Variants in CMC1 observed in about 807,000 individuals in gnomAD.
CMC1 encodes COX assembly mitochondrial protein homolog.
A neutral mutation model predicts 14.1 loss-of-function variants in CMC1; 14 were observed. The ratio of observed to expected loss-of-function variants is 0.99; its 90% confidence interval spans 0.66 to 1.55. The LOEUF is 1.55. Among genes scored for constraint, CMC1 ranks in the 40% most tolerant of loss-of-function variants. The probability of loss-of-function intolerance (pLI) is 0.00; values close to 1 mark genes in which losing one functional copy is unlikely to be tolerated. For missense variants in CMC1, 127 were observed against 123.8 expected (o/e 1.03, Z -0.12); for synonymous variants, 50 against 38.4 (o/e 1.30, Z -1.12).
At position 28,322,350 on chromosome 3, in the gene CMC1, C is replaced by A. The variant is rs1338618787; in HGVS notation, c.*2721C>A. 1 of 151,228 alleles carries A rather than the reference C, an allele frequency of 6.6e-6. No homozygotes were observed. The highest frequency in any genetic ancestry group is 1.5e-5 in the Non-Finnish European group (1 of 67,424). 9.4% of individuals were successfully genotyped at this position (151,228 alleles called of 1,614,324 possible). ...TATAGGCAAGGACAATATTTCACATCCACTTCAATTTCAAACAAAAATATT... is the reference window on the plus strand; with the variant it reads ...TATAGGCAAGGACAATATTTCACATACACTTCAATTTCAAACAAAAATATT... On this transcript the variant is annotated 3_prime_UTR_variant, in exon 4 of 4. Transcript: ENST00000466830.
At chr3:28,254,985 T>C (rs1699317957) in intron 1 of CMC1, among the ~76,000 whole-genome samples, 1 of 152,226 alleles carries the variant, frequency 6.6e-6, no homozygotes, top group South Asian at 2.1e-4. Context: ...CTCTACAAGA[T>C]GTGTCACACA....
chr3:28,308,316 C>T lies in CMC1; in HGVS notation c.110-8017C>T, dbSNP rs113019737. 1.2e-3 allele frequency among the ~76,000 whole-genome samples: 175 copies of T among 151,852 alleles called. 1 individual carries two copies. The highest frequency in any genetic ancestry group is 0.01 in the East Asian group (53 of 5,158). On this transcript the variant is annotated intron_variant, in intron 2 of 3. Coordinates refer to ENST00000466830, the MANE Select transcript of CMC1 (RefSeq NM_182523.2). ...AAAGCTACTTTTATATCTTCATGAA[C>T]GGTAATACAATACATTGAGCAATAT...
chr3:28,249,778 A>G (rs1460840756), intron 1 of CMC1, among the ~76,000 whole-genome samples: 1 of 151,940 alleles, frequency 6.6e-6, no homozygotes, highest in Admixed American at 6.6e-5. Context: ...GACCCACACA[A>G]CATAGACTGG....
intron 2 of CMC1, among the ~76,000 whole-genome samples, chr3:28,281,622 C>G (rs907237333): frequency 6.6e-6 from 1 of 152,044 alleles, no homozygotes; most frequent in African/African-American, 2.4e-5. Flanking sequence ...TTTTGAGTAC[C>G]TTATTGTGTG....
In CMC1 at chr3:28,323,057, GC is replaced by G. The variant is rs1703238886; in HGVS notation, c.*3431del. On this transcript the variant is annotated 3_prime_UTR_variant, in exon 4 of 4. Transcript: ENST00000466830. ...TTTCATGATCGACAATATCAATACA[GC>G]CCAAACCCTGATTTCTATGATTAAA... 1 of 150,936 alleles carries G rather than the reference GC, an allele frequency of 6.6e-6. No homozygotes were observed. Among genetic ancestry groups the G allele is most frequent in the Non-Finnish European group, 1.5e-5 (1 of 67,328 alleles). The allele number at this position is 150,936 out of a possible 1,614,324, so 9.3% of individuals were successfully genotyped here.
intron 2 of CMC1, among the ~76,000 whole-genome samples, chr3:28,311,783 A>G (rs914380058): frequency 3.9e-5 from 6 of 152,222 alleles, no homozygotes; most frequent in African/African-American, 2.4e-5. Flanking sequence ...TTACAGATTT[A>G]AAACTGCAGA....
intron 1 of CMC1, among the ~76,000 whole-genome samples, chr3:28,255,239 CTCTT>C (rs1370290251): frequency 1.4e-5 from 2 of 143,992 alleles, no homozygotes; most frequent in Non-Finnish European, 3.0e-5. Flanking sequence ...GTTTTGTTTC[CTCTT>C]TTTTTTTTTT....
intron 2 of CMC1, among the ~76,000 whole-genome samples, chr3:28,309,607 G>T (rs1702515686): frequency 6.6e-6 from 1 of 151,806 alleles, no homozygotes; most frequent in African/African-American, 2.4e-5. Flanking sequence ...TAGCCCCTTG[G>T]ACTATTGTAC....
chr3:28,314,907 A>G (rs920437812), intron 2 of CMC1: 3 of 152,226 alleles, frequency 2.0e-5, no homozygotes, highest in South Asian at 2.1e-4. Context: ...TTATAATCCC[A>G]AGTACCTGGA....
intron 2 of CMC1, 154 bp from the exon 3 acceptor site, chr3:28,316,179 A>G (rs1702902110): frequency 6.1e-6 from 3 of 494,464 alleles, no homozygotes; most frequent in Admixed American, 3.7e-5. Flanking sequence ...TACATAATAG[A>G]TGTTCAAGGC....
At position 28,322,750 on chromosome 3, in the gene CMC1, T is replaced by C. The variant is rs896767943; in HGVS notation, c.*3121T>C. The C allele has an allele frequency of 6.6e-6, 1 of 151,532 alleles. No homozygotes were observed. Among genetic ancestry groups the C allele is most frequent in the African/African-American group, 2.4e-5 (1 of 41,312 alleles). 9.4% of individuals were successfully genotyped at this position (151,532 alleles called of 1,614,324 possible). A position where few individuals can be genotyped will look rare whatever the true frequency, so the allele number is the denominator to read the frequency against. On this transcript the variant is annotated 3_prime_UTR_variant, in exon 4 of 4. Coordinates refer to ENST00000466830, the MANE Select transcript of CMC1 (RefSeq NM_182523.2). Reference sequence around the variant, plus strand: ...TTAATCACAGACAAGCTTGAATAAGTGTAAGATAATAGAAAAAAATATCTA... The same window carrying C: ...TTAATCACAGACAAGCTTGAATAAGCGTAAGATAATAGAAAAAAATATCTA...
At position 28,241,695 on chromosome 3, in the gene CMC1, G is replaced by A; in HGVS notation, c.-99G>A. 8.1e-7 allele frequency: 1 copy of A among 1,237,310 alleles called. No homozygotes were observed. 76.6% of individuals were successfully genotyped at this position (1,237,310 alleles called of 1,614,324 possible). A position where few individuals can be genotyped will look rare whatever the true frequency, so the allele number is the denominator to read the frequency against. On this transcript the variant is annotated 5_prime_UTR_variant, in exon 1 of 4. Transcript: ENST00000466830. ...GTGTTTCTGTTGCGGGAAGCTCCCG[G>A]GGGTCGCACGTGCGTCCGAGCCCAA...
intron 2 of CMC1, among the ~76,000 whole-genome samples, chr3:28,290,741 C>G (rs1701429699): frequency 6.6e-6 from 1 of 152,048 alleles, no homozygotes; most frequent in South Asian, 2.1e-4. Flanking sequence ...TCAGAGATAA[C>G]CAATCATCCT....
chr3:28,302,844 CAT>C (rs1210449058), intron 2 of CMC1, among the ~76,000 whole-genome samples: 2 of 152,118 alleles, frequency 1.3e-5, no homozygotes, highest in African/African-American at 2.4e-5. Flanking sequence ...TTTGTGACCT[CAT>C]GTGTGAGATA....
intron 3 of CMC1, chr3:28,317,851 G>A (rs1703000486): frequency 6.6e-6 from 1 of 151,834 alleles, no homozygotes; most frequent in South Asian, 2.1e-4. Flanking sequence ...ATTAGTATTT[G>A]TTATTATTTA....
intron 2 of CMC1, among the ~76,000 whole-genome samples, chr3:28,290,175 A>G (rs929268278): frequency 5.9e-5 from 9 of 152,098 alleles, no homozygotes; most frequent in Non-Finnish European, 1.2e-4. Flanking sequence ...CATTGTCATA[A>G]TTTATAATAC....
intron 1 of CMC1, among the ~76,000 whole-genome samples, chr3:28,248,964 G>A (rs1417905638): frequency 2.0e-5 from 3 of 152,162 alleles, no homozygotes; most frequent in Non-Finnish European, 4.4e-5. Flanking sequence ...TAATTTTTTT[G>A]TATTTTTAGT....
chr3:28,279,245 T>G (rs554483999), intron 2 of CMC1, among the ~76,000 whole-genome samples: 7 of 152,276 alleles, frequency 4.6e-5, no homozygotes, highest in African/African-American at 1.4e-4. Flanking sequence ...CCCCTCAGTC[T>G]TGTTGGTCTG....
At chr3:28,254,925 A>G (rs558263906) in intron 1 of CMC1, among the ~76,000 whole-genome samples, 1 of 152,302 alleles carries the variant, frequency 6.6e-6, no homozygotes, top group East Asian at 1.9e-4. Flanking sequence ...GAATTTGTGG[A>G]GATAGTCTCA....
Sources: allele counts gnomAD v4.1 joint callset (sites outside exome capture counted in the v4.1 genomes callset), GRCh38; gene constraint gnomAD v4.1.1; transcripts MANE v1.5; gene names NCBI Gene and HGNC (gene_info 2026-07-23, HGNC 2026-07-21).